Variants in DYM observed in about 807,000 individuals in gnomAD.
DYM encodes dymeclin, also known as dyggve-Melchior-Clausen syndrome protein.
Under a neutral mutation model 93.1 loss-of-function variants are expected in DYM, and 78 were observed. The observed-to-expected ratio is 0.84, with a 90% CI of 0.70 to 1.01. DYM has a LOEUF of 1.01. Among genes scored for constraint, DYM ranks in the 50% least tolerant of loss-of-function variants. DYM has a pLI of 0.00. For missense variants in DYM, 789 were observed against 845.0 expected (o/e 0.93, Z 0.82); for synonymous variants, 321 against 319.7 (o/e 1.00, Z -0.04).
chr18:49,188,356 T>C (rs929434434), intron 14 of DYM, among the ~76,000 whole-genome samples: 2 of 152,174 alleles, frequency 1.3e-5, no homozygotes, highest in Non-Finnish European at 2.9e-5. Flanking sequence ...CTAGACAATG[T>C]AGCACAGAAG....
intron 15 of DYM, among the ~76,000 whole-genome samples, chr18:49,130,464 G>C (rs905139853): frequency 8.5e-5 from 13 of 152,198 alleles, no homozygotes; most frequent in African/African-American, 3.1e-4. Context: ...AGACACCTGA[G>C]TCCATAAGTC....
intron 1 of DYM, chr18:49,447,278 T>C (rs905238943): frequency 6.6e-6 from 1 of 152,154 alleles, no homozygotes; most frequent in Non-Finnish European, 1.5e-5. Flanking sequence ...AGTACCTTTT[T>C]CGAACACGTC....
chr18:49,395,100 C>G (rs1045919469), intron 2 of DYM, among the ~76,000 whole-genome samples: 3 of 152,056 alleles, frequency 2.0e-5, no homozygotes, highest in Non-Finnish European at 4.4e-5. Flanking sequence ...TTGGATAAGA[C>G]CTCAAAAGCA....
intron 6 of DYM, among the ~76,000 whole-genome samples, chr18:49,346,458 G>A (rs1272631247): frequency 6.6e-6 from 1 of 152,096 alleles, no homozygotes; most frequent in Non-Finnish European, 1.5e-5. Flanking sequence ...TGGTTACTAG[G>A]GGCAGAAGAG....
At chr18:49,081,414 G>A (rs1157063900) in intron 17 of DYM, among the ~76,000 whole-genome samples, 3 of 152,134 alleles carry the variant, frequency 2.0e-5, no homozygotes, top group East Asian at 3.9e-4. Context: ...TGAGGCAGGA[G>A]AATCAGGCAG....
At chr18:49,202,641 C>G (rs1379845886) in intron 14 of DYM, among the ~76,000 whole-genome samples, 15 of 111,734 alleles carry the variant, frequency 1.3e-4, no homozygotes, top group East Asian at 6.0e-4. Context: ...GCCTCTGCCC[C>G]GCCGCCCCAT....
chr18:49,233,499 ATTTCTCT>A (rs1207840019), intron 13 of DYM, among the ~76,000 whole-genome samples: 2 of 152,070 alleles, frequency 1.3e-5, no homozygotes, highest in Non-Finnish European at 2.9e-5. Flanking sequence ...TACATGACAG[ATTTCTCT>A]TCAATCTAAC....
At chr18:49,246,167 T>C (rs550973639) in intron 13 of DYM, among the ~76,000 whole-genome samples, 5 of 152,346 alleles carry the variant, frequency 3.3e-5, no homozygotes, top group African/African-American at 4.8e-5. Context: ...CCTACCTTTT[T>C]AAAGCTAGCT....
In DYM at chr18:49,379,724, T is replaced by C. The variant is rs1568346280; in HGVS notation, c.228A>G (p.Ala76=). ...TTCTAGAAAGGAAGACCTTAATTAG[T>C]GCACCAAGATTTCCTGTTCGAGGAT... is the stretch of plus-strand genomic sequence containing the variant. ...ENNPRTGNLG[A]LIKVFLSRTK... is the part of the protein sequence containing the mutation. The change falls in exon 4 of 18, where the codon GCA becomes GCG. Residue 76 remains alanine (A), a synonymous_variant. Coordinates refer to ENST00000675505, the MANE Select transcript of DYM (RefSeq NM_001353214.3). 1 of 1,613,396 alleles carries C rather than the reference T, an allele frequency of 6.2e-7. No individual in the cohort carries two copies. Among genetic ancestry groups the C allele is most frequent in the Non-Finnish European group, 8.5e-7 (1 of 1,179,532 alleles).
At chr18:49,453,538 C>T (rs937576763) in intron 1 of DYM, among the ~76,000 whole-genome samples, 2 of 152,140 alleles carry the variant, frequency 1.3e-5, no homozygotes, top group African/African-American at 4.8e-5. Flanking sequence ...TCAGAAGGAA[C>T]AAACTCCACA....
intron 15 of DYM, among the ~76,000 whole-genome samples, chr18:49,161,575 T>C (rs1201027245): frequency 6.6e-6 from 1 of 152,228 alleles, no homozygotes; most frequent in Non-Finnish European, 1.5e-5. Flanking sequence ...TCTAAACAGT[T>C]ACTAGATATA....
intron 11 of DYM, among the ~76,000 whole-genome samples, chr18:49,264,466 T>C (rs1242385725): frequency 6.6e-6 from 1 of 152,164 alleles, no homozygotes; most frequent in Non-Finnish European, 1.5e-5. Context: ...ACCAATTCTT[T>C]TTTCTTTCAT....
intron 13 of DYM, among the ~76,000 whole-genome samples, chr18:49,221,058 A>G (rs1271118621): frequency 6.6e-6 from 1 of 152,236 alleles, no homozygotes; most frequent in Admixed American, 6.5e-5. Context: ...CAAATTTACA[A>G]GAAAAAAACA....
chr18:49,044,327 G>A (rs553296576), intron 17 of DYM, 123 bp from the exon 18 acceptor site: 27 of 1,016,056 alleles, frequency 2.7e-5, no homozygotes, highest in Non-Finnish European at 4.1e-5. Context: ...CTGGTCACAG[G>A]GCATGAAAGC....
intron 17 of DYM, among the ~76,000 whole-genome samples, chr18:49,071,766 G>A (rs2076907716): frequency 6.6e-6 from 1 of 152,204 alleles, no homozygotes; most frequent in Admixed American, 6.5e-5. Flanking sequence ...ATATCATCAA[G>A]TGTATATATT....
At chr18:49,206,009 T>TTTTTTTA in intron 14 of DYM, 1 of 174,974 alleles carries the variant, frequency 5.7e-6, no homozygotes, top group South Asian at 2.2e-4. Flanking sequence ...TTTTGTTTTT[T>TTTTTTTA]TGTTTTTTGC....
intron 8 of DYM, among the ~76,000 whole-genome samples, chr18:49,307,261 C>T (rs999385253): frequency 1.3e-5 from 2 of 152,008 alleles, no homozygotes; most frequent in Non-Finnish European, 2.9e-5. Context: ...GCAGAGCTTG[C>T]ACATTGCCTC....
chr18:49,372,116 G>A (rs1405841391), intron 5 of DYM, among the ~76,000 whole-genome samples: 1 of 152,128 alleles, frequency 6.6e-6, no homozygotes, highest in African/African-American at 2.4e-5. Flanking sequence ...CTGTACCACT[G>A]TATATTATCG....
At chr18:49,348,874 A>G (rs925164921) in intron 6 of DYM, among the ~76,000 whole-genome samples, 2 of 140,044 alleles carry the variant, frequency 1.4e-5, no homozygotes, top group African/African-American at 5.3e-5. Context: ...GCGCCATTGC[A>G]CTCCAGCCGG....
Sources: gnomAD v4.1 joint callset for allele counts (sites outside exome capture counted in the v4.1 genomes callset) on GRCh38, gnomAD v4.1.1 for gene constraint, MANE v1.5 for transcripts, NCBI Gene and HGNC (gene_info 2026-07-23, HGNC 2026-07-21) for gene names.